Variants in NPAS3 observed in about 807,000 individuals in gnomAD.
NPAS3 encodes neuronal PAS domain-containing protein 3.
In NPAS3, 14 loss-of-function variants were observed where a neutral mutation model predicts 73.1. The observed-to-expected ratio is 0.19, with a 90% confidence interval of 0.13 to 0.30. The LOEUF is 0.30. Among genes scored for constraint, NPAS3 ranks in the 10% least tolerant of loss-of-function variants. The pLI, the probability that NPAS3 is intolerant of heterozygous loss-of-function variation, is 1.00. For synonymous variants in NPAS3, 620 were observed against 541.5 expected (o/e 1.14, Z -2.01); for missense variants, 1,096 against 1,250.0 (o/e 0.88, Z 1.86).
chr14:33,477,474 C>A (rs897281519), intron 4 of NPAS3, among the ~76,000 whole-genome samples: 4 of 152,128 alleles, frequency 2.6e-5, no homozygotes, highest in Non-Finnish European at 4.4e-5. Flanking sequence ...AACACACACA[C>A]AAACACACAG....
intron 3 of NPAS3, among the ~76,000 whole-genome samples, chr14:33,355,806 T>C (rs2045312715): frequency 1.3e-5 from 2 of 152,230 alleles, no homozygotes; most frequent in Non-Finnish European, 2.9e-5. Flanking sequence ...AGGCTTTCCT[T>C]GATCTTCCAT....
At chr14:33,490,170 G>A (rs534577906) in intron 4 of NPAS3, among the ~76,000 whole-genome samples, 1 of 152,208 alleles carries the variant, frequency 6.6e-6, no homozygotes, top group East Asian at 1.9e-4. Context: ...GACTTACCCT[G>A]TATTCGTTTC....
chr14:33,689,392 T>C (rs1296206730), intron 6 of NPAS3, among the ~76,000 whole-genome samples: 1 of 152,198 alleles, frequency 6.6e-6, no homozygotes, highest in Non-Finnish European at 1.5e-5. Context: ...GTTAGTATTA[T>C]TATAAATTCT....
Position 33,058,771 on chromosome 14 carries a change from A to G in NPAS3, c.140+2777A>G, listed in dbSNP as rs1354915748. ...CACATATGTGTTTACTGGGTAGATCATGAGGTAATATGTGTTTCTACTGTG... is the reference window on the plus strand; with the variant it reads ...CACATATGTGTTTACTGGGTAGATCGTGAGGTAATATGTGTTTCTACTGTG... On this transcript the variant is annotated intron_variant, in intron 2 of 11. Coordinates refer to ENST00000356141, the Ensembl canonical transcript of NPAS3. Among the ~76,000 whole-genome samples, 4 of 152,094 alleles carry G rather than the reference A, an allele frequency of 2.6e-5. No individual in the cohort carries two copies. In the East Asian group the frequency reaches 7.7e-4, roughly 29 times the overall value.
rs568370366 is a variant in NPAS3, at chr14:33,065,777, G to A, written c.140+9783G>A. On this transcript the variant is annotated intron_variant, in intron 2 of 11. Transcript: ENST00000356141. ...CTCTTACTAGCAATTCCCATTACTT[G>A]CATTTCAACCATCATAAGCTTTCAT... is the stretch of plus-strand genomic sequence containing the variant. Among the ~76,000 whole-genome samples, 8 of 151,974 alleles carry A rather than the reference G, an allele frequency of 5.3e-5. No individual in the cohort carries two copies. The East Asian group carries it at 1.6e-3, about 30-fold the overall frequency.
At chr14:33,795,809 A>G (rs904864528) in intron 10 of NPAS3, among the ~76,000 whole-genome samples, 5 of 152,230 alleles carry the variant, frequency 3.3e-5, no homozygotes, top group African/African-American at 1.2e-4. Flanking sequence ...CGATGGTACA[A>G]ACTCATGAGC....
Position 32,995,099 on chromosome 14 carries a change from C to A in NPAS3, c.50+55733C>A, listed in dbSNP as rs1414172531. Among the ~76,000 whole-genome samples, 3 of 152,194 alleles carry A rather than the reference C, an allele frequency of 2.0e-5. No homozygotes were observed. The South Asian group carries it at 6.2e-4, about 32-fold the overall frequency. ...GTTTTAGTAGGAAACTGAAGCTGGG[C>A]AGCTCAGCACAGAAAAAGGAATATG... On this transcript the variant is annotated intron_variant, in intron 1 of 11. Coordinates refer to ENST00000356141, the Ensembl canonical transcript of NPAS3.
chr14:33,678,313 C>CTGATCCAAG (rs1470545074), intron 6 of NPAS3, among the ~76,000 whole-genome samples: 1 of 152,168 alleles, frequency 6.6e-6, no homozygotes, highest in Non-Finnish European at 1.5e-5. Flanking sequence ...CAACTTCCCA[C>CTGATCCAAG]TGATCCAAGG....
At chr14:33,031,427 A>G (rs748940452) in intron 1 of NPAS3, among the ~76,000 whole-genome samples, 1 of 152,172 alleles carries the variant, frequency 6.6e-6, no homozygotes, top group Non-Finnish European at 1.5e-5. Context: ...CTCCAAGTTC[A>G]GTTCTCTTTT....
At chr14:33,026,264 A>G (rs1476088711) in intron 1 of NPAS3, among the ~76,000 whole-genome samples, 1 of 152,230 alleles carries the variant, frequency 6.6e-6, no homozygotes, top group Non-Finnish European at 1.5e-5. Flanking sequence ...ACTTTCTGGG[A>G]CATCTCAGAT....
In NPAS3 at chr14:33,295,002, T is replaced by C. The variant is rs1325116776; in HGVS notation, c.386-72184T>C. 3.3e-5 allele frequency among the ~76,000 whole-genome samples: 5 copies of C among 152,302 alleles called. No homozygotes were observed. In the South Asian group the frequency reaches 1.0e-3, roughly 32 times the overall value. On this transcript the variant is annotated intron_variant, in intron 3 of 11. Coordinates refer to ENST00000356141, the Ensembl canonical transcript of NPAS3. ...GAAATTTGAACTCTTGGAGAGTGACTTTTTAGGACCCTAGGAGGGAAAGAT... is the reference window on the plus strand; with the variant it reads ...GAAATTTGAACTCTTGGAGAGTGACCTTTTAGGACCCTAGGAGGGAAAGAT...
At chr14:33,588,744 G>A (rs1276924159) in intron 5 of NPAS3, among the ~76,000 whole-genome samples, 1 of 152,140 alleles carries the variant, frequency 6.6e-6, no homozygotes, top group Non-Finnish European at 1.5e-5. Flanking sequence ...CTCCCAAGTA[G>A]CTGGGATTAC....
intron 4 of NPAS3, among the ~76,000 whole-genome samples, chr14:33,489,851 G>C (rs548079795): frequency 6.6e-6 from 1 of 152,260 alleles, no homozygotes; most frequent in African/African-American, 2.4e-5. Context: ...GATTCAAACA[G>C]AACATGTAGG....
At chr14:33,583,640 G>T (rs1380246465) in intron 5 of NPAS3, among the ~76,000 whole-genome samples, 1 of 152,044 alleles carries the variant, frequency 6.6e-6, no homozygotes, top group Non-Finnish European at 1.5e-5. Flanking sequence ...TTTCCAGTTT[G>T]TGTTAGGATT....
intron 5 of NPAS3, among the ~76,000 whole-genome samples, chr14:33,568,855 A>G (rs919237640): frequency 2.0e-5 from 3 of 152,174 alleles, no homozygotes; most frequent in Non-Finnish European, 2.9e-5. Context: ...CAAATGCCCT[A>G]TGGCTTTTTA....
intron 3 of NPAS3, among the ~76,000 whole-genome samples, chr14:33,277,244 T>C (rs1222021118): frequency 1.3e-5 from 2 of 152,100 alleles, no homozygotes; most frequent in African/African-American, 4.8e-5. Context: ...GTGGAGGCAG[T>C]GTGGTCAAAT....
rs74677303 is a variant in NPAS3, at chr14:33,599,862, G to A, written c.558+39652G>A. On this transcript the variant is annotated intron_variant, in intron 5 of 11. Coordinates refer to ENST00000356141, the Ensembl canonical transcript of NPAS3. ...TAAAGGACAGGAGCAACAAAAGAAG[G>A]CCCTTTGTTAGCCTTAAAACAAGTG... Among the ~76,000 whole-genome samples, 1,392 of 152,236 alleles carry A rather than the reference G, an allele frequency of 9.1e-3. 24 individuals carry two copies. The highest frequency in any genetic ancestry group is 0.032 in the African/African-American group (1,329 of 41,548).
chr14:33,774,559 G>A (rs774178963), intron 8 of NPAS3, 29 bp downstream of exon 8: 1 of 1,550,836 alleles, frequency 6.4e-7, no homozygotes, highest in African/African-American at 1.4e-5. Context: ...CATTTGCCCT[G>A]TTGCACGTTG....
At chr14:33,682,895 A>G (rs1030648627) in intron 6 of NPAS3, among the ~76,000 whole-genome samples, 2 of 152,180 alleles carry the variant, frequency 1.3e-5, no homozygotes, top group Non-Finnish European at 2.9e-5. Flanking sequence ...CTTCTAGGCC[A>G]GCTCCCAGAA....
Sources: allele counts gnomAD v4.1 joint callset (sites outside exome capture counted in the v4.1 genomes callset), GRCh38; gene constraint gnomAD v4.1.1; transcripts MANE v1.5; gene names NCBI Gene and HGNC (gene_info 2026-07-23, HGNC 2026-07-21).